The following BNC2 variants were observed in gnomAD, a reference collection of about 807,000 sequenced individuals.
BNC2 encodes zinc finger protein basonuclin-2.
A neutral mutation model predicts 76.3 loss-of-function variants in BNC2; 20 were observed. That is an observed-to-expected ratio of 0.26 (90% CI 0.18 to 0.38). The LOEUF is 0.38. BNC2 is among the 10% of genes least tolerant of loss of function. The pLI is 1.00. For missense variants in BNC2, 1,382 were observed against 1,399.8 expected, an observed-to-expected ratio of 0.99 and a Z score of 0.20; for synonymous variants, 582 against 514.8, an observed-to-expected ratio of 1.13 and a Z score of -1.77.
chr9:16,811,412 C>T (rs916489158), intron 1 of BNC2, among the ~76,000 whole-genome samples: 3 of 151,316 alleles, frequency 2.0e-5, no homozygotes, highest in Admixed American at 6.6e-5. Flanking sequence ...ATTGGCCAGG[C>T]ATAGTGGCGG....
chr9:16,631,083 C>T (rs928505287), intron 3 of BNC2, among the ~76,000 whole-genome samples: 5 of 152,176 alleles, frequency 3.3e-5, no homozygotes, highest in African/African-American at 1.2e-4. Flanking sequence ...TTGAACAATT[C>T]TTTAAAACTA....
intron 5 of BNC2, among the ~76,000 whole-genome samples, chr9:16,545,940 C>T (rs67602727): frequency 0.083 from 12,661 of 152,274 alleles, 695 homozygotes; most frequent in Non-Finnish European, 0.13. Flanking sequence ...CTAGACTAGG[C>T]TTGCAGAGAA....
At chr9:16,649,870 A>T (rs1821743146) in intron 3 of BNC2, among the ~76,000 whole-genome samples, 1 of 152,186 alleles carries the variant, frequency 6.6e-6, no homozygotes, top group Non-Finnish European at 1.5e-5. Flanking sequence ...TAAACTTCAG[A>T]GGTACCCCAA....
chr9:16,847,673 T>C (rs1445346137), intron 1 of BNC2, among the ~76,000 whole-genome samples: 2 of 152,130 alleles, frequency 1.3e-5, no homozygotes, highest in Non-Finnish European at 2.9e-5. Flanking sequence ...CCATAACCAT[T>C]GAGCAAGGCT....
At position 16,622,975 on chromosome 9, in the gene BNC2, T is replaced by C. The variant is rs183351530; in HGVS notation, c.331-39890A>G. Among the ~76,000 whole-genome samples the C allele has an allele frequency of 4.4e-3, 675 of 152,292 alleles. 8 individuals carry two copies. Among genetic ancestry groups the C allele is most frequent in the African/African-American group, 0.016 (645 of 41,564 alleles). On this transcript the variant is annotated intron_variant, in intron 3 of 6. Transcript: ENST00000380672. ...AATAAACCTTTGGTTTTATAGGTTATACTGAAGATTTGAATCAGTTTGCTG... is the reference window on the plus strand; with the variant it reads ...AATAAACCTTTGGTTTTATAGGTTACACTGAAGATTTGAATCAGTTTGCTG...
In BNC2 at chr9:16,845,825, A is replaced by G. The variant is rs142640924; in HGVS notation, c.3+24821T>C. Reference sequence around the variant, plus strand: ...AATGCCTCTGCATACTTAAGTTACCATATGACAGAAACAATGCAGAATTTA... The same window carrying G: ...AATGCCTCTGCATACTTAAGTTACCGTATGACAGAAACAATGCAGAATTTA... On this transcript the variant is annotated intron_variant, in intron 1 of 6. Coordinates refer to ENST00000380672, the MANE Select transcript of BNC2 (RefSeq NM_017637.6). Among the ~76,000 whole-genome samples, 96 of 152,044 alleles carry G rather than the reference A, an allele frequency of 6.3e-4. 1 individual carries two copies. Among genetic ancestry groups the G allele is most frequent in the African/African-American group, 2.2e-3 (93 of 41,476 alleles).
rs1423241470 is a variant in BNC2 at position 16,414,299 on chromosome 9, G to A, written c.*4690C>T. 6.6e-6 allele frequency: 1 copy of A among 152,132 alleles called. No individual in the cohort carries two copies. Among genetic ancestry groups the A allele is most frequent in the Non-Finnish European group, 1.5e-5 (1 of 68,078 alleles). 9.4% of individuals were successfully genotyped at this position (152,132 alleles called of 1,614,324 possible). A position where few individuals can be genotyped will look rare whatever the true frequency, so the allele number is the denominator to read the frequency against. On this transcript the variant is annotated 3_prime_UTR_variant, in exon 7 of 7. Coordinates refer to ENST00000380672, the MANE Select transcript of BNC2 (RefSeq NM_017637.6). Reference sequence around the variant, plus strand: ...AGTGCATTCATGATTTCCTTTTCTAGCTACCCCAAAACCAGGGCAGGAACC... The same window carrying A: ...AGTGCATTCATGATTTCCTTTTCTAACTACCCCAAAACCAGGGCAGGAACC...
rs111444471 is a variant in BNC2 at position 16,640,157 on chromosome 9, A to G, written c.331-57072T>C. Among the ~76,000 whole-genome samples the G allele has an allele frequency of 4.5e-3, 690 of 152,298 alleles. 4 individuals carry two copies. Among genetic ancestry groups the G allele is most frequent in the African/African-American group, 0.016 (652 of 41,568 alleles). The stretch of plus-strand genomic sequence containing the variant: ...TCTGTCCTTAATTTTGCCAAGTCAC[A>G]TTTCAGGTTAAGAAAATTAAGCAAA... On this transcript the variant is annotated intron_variant, in intron 3 of 6. Coordinates refer to ENST00000380672, the MANE Select transcript of BNC2 (RefSeq NM_017637.6).
At chr9:16,835,561 C>T (rs1160737292) in intron 1 of BNC2, among the ~76,000 whole-genome samples, 3 of 152,076 alleles carry the variant, frequency 2.0e-5, no homozygotes, top group African/African-American at 7.2e-5. Context: ...ATTAGCCAGG[C>T]ATGGTGGCAC....
chr9:16,638,065 T>G (rs1020098545), intron 3 of BNC2, among the ~76,000 whole-genome samples: 1 of 152,204 alleles, frequency 6.6e-6, no homozygotes, highest in Non-Finnish European at 1.5e-5. Flanking sequence ...CTCCTAAATT[T>G]TAAATGATTG....
At chr9:16,788,072 G>C (rs932965780) in intron 1 of BNC2, among the ~76,000 whole-genome samples, 1 of 152,092 alleles carries the variant, frequency 6.6e-6, no homozygotes, top group Non-Finnish European at 1.5e-5. Context: ...ACTCCTTCTG[G>C]TGGAAAGGAT....
rs1820518716 is a variant in BNC2, at chr9:16,413,475, A to G, written c.*5514T>C. Reference sequence around the variant, plus strand: ...TTTGGATTTTTCAACAAATGCCAAAAAGACAGTATGCCGAATAACATAGTT... The same window carrying G: ...TTTGGATTTTTCAACAAATGCCAAAGAGACAGTATGCCGAATAACATAGTT... On this transcript the variant is annotated 3_prime_UTR_variant, in exon 7 of 7. Transcript: ENST00000380672. The G allele has an allele frequency of 6.6e-6, 1 of 152,188 alleles. No homozygotes were observed. Among genetic ancestry groups the G allele is most frequent in the South Asian group, 2.1e-4 (1 of 4,826 alleles). 9.4% of individuals were successfully genotyped at this position (152,188 alleles called of 1,614,324 possible).
At chr9:16,693,355 C>G (rs1335727221) in intron 3 of BNC2, among the ~76,000 whole-genome samples, 1 of 152,070 alleles carries the variant, frequency 6.6e-6, no homozygotes, top group Non-Finnish European at 1.5e-5. Flanking sequence ...TGGGGGTGGG[C>G]AGCACACTGA....
chr9:16,705,799 G>A (rs542824961), intron 3 of BNC2, among the ~76,000 whole-genome samples: 9 of 152,284 alleles, frequency 5.9e-5, no homozygotes, highest in African/African-American at 2.2e-4. Flanking sequence ...ACATTTAAGT[G>A]ACATTCAATT....
intron 4 of BNC2, among the ~76,000 whole-genome samples, chr9:16,580,848 A>C (rs1271600051): frequency 6.6e-6 from 1 of 152,124 alleles, no homozygotes; most frequent in Non-Finnish European, 1.5e-5. Flanking sequence ...TTTCTCTTTA[A>C]TTTTCATAAT....
chr9:16,439,494 A>G (rs1265367055), intron 5 of BNC2, among the ~76,000 whole-genome samples: 2 of 152,332 alleles, frequency 1.3e-5, no homozygotes, highest in Non-Finnish European at 2.9e-5. Flanking sequence ...TAGATTAGCT[A>G]GTAGTAGTAT....
intron 3 of BNC2, among the ~76,000 whole-genome samples, chr9:16,721,912 TGATA>T (rs1382727713): frequency 6.8e-6 from 1 of 147,002 alleles, no homozygotes; most frequent in African/African-American, 2.5e-5. Context: ...TCTTTCCTTT[TGATA>T]TATGTGCTAA....
At chr9:16,674,166 G>A (rs532757687) in intron 3 of BNC2, among the ~76,000 whole-genome samples, 2 of 152,222 alleles carry the variant, frequency 1.3e-5, no homozygotes, top group South Asian at 4.1e-4. Flanking sequence ...AGAGGCTTAG[G>A]GGACAGCTAA....
chr9:16,862,950 T>C (rs973806991), intron 1 of BNC2, among the ~76,000 whole-genome samples: 53 of 151,738 alleles, frequency 3.5e-4, no homozygotes, highest in Non-Finnish European at 6.5e-4. Flanking sequence ...AGTCTTGCTC[T>C]GTCGCTCAGG....
Sources: allele counts gnomAD v4.1 joint callset (sites outside exome capture counted in the v4.1 genomes callset), GRCh38; gene constraint gnomAD v4.1.1; transcripts MANE v1.5; gene names NCBI Gene and HGNC (gene_info 2026-07-23, HGNC 2026-07-21).